CTNND2: variants seen among roughly 807,000 people sequenced by gnomAD.
CTNND2 encodes the protein catenin delta-2.
CTNND2 carries 22 observed loss-of-function variants against 144.4 expected under a neutral mutation model. The observed-to-expected ratio is 0.15, with a 90% CI of 0.11 to 0.22. The LOEUF (loss-of-function observed/expected upper bound fraction) is 0.22, where lower values mean the gene tolerates loss of function less well. Ranked by LOEUF, CTNND2 falls within the 10% of genes least tolerant of loss-of-function variation. The pLI is 1.00. For synonymous variants in CTNND2, 751 were observed against 695.6 expected (o/e 1.08, Z -1.25); for missense variants, 1,353 against 1,618.8 (o/e 0.84, Z 2.82).
chr5:11,349,983 A>G (rs1487743601), intron 8 of CTNND2, among the ~76,000 whole-genome samples: 4 of 152,160 alleles, frequency 2.6e-5, no homozygotes, highest in African/African-American at 4.8e-5. Flanking sequence ...TAAAGACACA[A>G]AACATTAGTC....
At chr5:11,123,165 G>A (rs1361501730) in intron 12 of CTNND2, among the ~76,000 whole-genome samples, 1 of 152,164 alleles carries the variant, frequency 6.6e-6, no homozygotes, top group Non-Finnish European at 1.5e-5. Flanking sequence ...CCAGGCACAA[G>A]CTTCTCTTAG....
rs1237849413 is a variant in CTNND2 at position 11,801,268 on chromosome 5, T to C, written c.38-68996A>G. On this transcript the variant is annotated intron_variant, in intron 1 of 21. Coordinates refer to ENST00000304623, the MANE Select transcript of CTNND2 (RefSeq NM_001332.4). ...ATTTTCTGAGCCAACACAGAACAAA[T>C]GTAATAATGAGCAAACTCTTACTCA... 2.0e-5 allele frequency among the ~76,000 whole-genome samples: 3 copies of C among 152,148 alleles called. No homozygotes were observed. The East Asian group carries it at 5.8e-4, about 29-fold the overall frequency.
rs554341424 is a variant in CTNND2, at chr5:11,096,069, C to G, written c.2637+2506G>C. 2.0e-5 allele frequency among the ~76,000 whole-genome samples: 3 copies of G among 152,068 alleles called. No homozygotes were observed. In the East Asian group the frequency reaches 5.8e-4, roughly 29 times the overall value. ...TTTTTCTTTGTGTTTCATTTTGGAT[C>G]ATTCCTATTGCTGTCTTCAAGTTCA... On this transcript the variant is annotated intron_variant, in intron 15 of 21. Coordinates refer to ENST00000304623, the MANE Select transcript of CTNND2 (RefSeq NM_001332.4).
chr5:11,637,611 G>A (rs1018494855), intron 2 of CTNND2, among the ~76,000 whole-genome samples: 20 of 152,002 alleles, frequency 1.3e-4, no homozygotes, highest in Admixed American at 8.5e-4. Flanking sequence ...CTGCAGTATC[G>A]ATTCCTAACT....
At chr5:11,605,545 G>C (rs1174659833) in intron 2 of CTNND2, among the ~76,000 whole-genome samples, 2 of 152,186 alleles carry the variant, frequency 1.3e-5, no homozygotes, top group African/African-American at 4.8e-5. Flanking sequence ...AGGTATCTAA[G>C]TGACATGATC....
chr5:11,751,315 A>T (rs1211465624), intron 1 of CTNND2, among the ~76,000 whole-genome samples: 1 of 151,790 alleles, frequency 6.6e-6, no homozygotes, highest in East Asian at 1.9e-4. Flanking sequence ...GGTCTGGTGT[A>T]CAGATTATTT....
At chr5:11,851,856 C>T (rs1020053805) in intron 1 of CTNND2, among the ~76,000 whole-genome samples, 1 of 152,178 alleles carries the variant, frequency 6.6e-6, no homozygotes, top group Non-Finnish European at 1.5e-5. Context: ...ATATTTTAAT[C>T]AGCAGTTAGG....
intron 2 of CTNND2, among the ~76,000 whole-genome samples, chr5:11,722,339 A>G (rs968409499): frequency 1.3e-5 from 2 of 152,204 alleles, no homozygotes; most frequent in African/African-American, 4.8e-5. Context: ...AACTGAAGAG[A>G]AGACTGAAAT....
At chr5:11,776,025 C>G (rs34629815) in intron 1 of CTNND2, among the ~76,000 whole-genome samples, 1 of 152,080 alleles carries the variant, frequency 6.6e-6, no homozygotes, top group Non-Finnish European at 1.5e-5. Context: ...GAAGAGGCCA[C>G]GAAGGATTCT....
chr5:11,748,364 G>T (rs1224903722), intron 1 of CTNND2, among the ~76,000 whole-genome samples: 2 of 151,964 alleles, frequency 1.3e-5, no homozygotes, highest in African/African-American at 4.8e-5. Flanking sequence ...TATTTAAAAG[G>T]TATTACTGTA....
chr5:11,080,519 A>G (rs1268094645), intron 16 of CTNND2, among the ~76,000 whole-genome samples: 1 of 152,228 alleles, frequency 6.6e-6, no homozygotes, highest in East Asian at 1.9e-4. Context: ...AACCATTTAT[A>G]ACTCTCATGT....
chr5:11,047,559 G>A (rs1745394734), intron 16 of CTNND2, among the ~76,000 whole-genome samples: 1 of 152,180 alleles, frequency 6.6e-6, no homozygotes, highest in South Asian at 2.1e-4. Flanking sequence ...GCATACATAT[G>A]TGCCGTGACT....
At chr5:11,060,483 G>T (rs137967540) in intron 16 of CTNND2, among the ~76,000 whole-genome samples, 161 of 152,218 alleles carry the variant, frequency 1.1e-3, no homozygotes, top group African/African-American at 2.7e-3. Context: ...TAAGCCTAAA[G>T]AAATAAAAGT....
Position 11,364,788 on chromosome 5 carries a change from C to A in CTNND2, c.1280G>T (p.Arg427Leu). The change falls in exon 8 of 22, where the codon CGC (arginine) becomes CTC (leucine). Residue 427 changes from arginine to leucine, a missense_variant. By Grantham distance (102) the Arg-to-Leu change is moderately radical (BLOSUM62 -2). Coordinates refer to ENST00000304623, the MANE Select transcript of CTNND2 (RefSeq NM_001332.4). ...EHHIDPIYED[R>L]VYQKPPMRSL... is the part of the protein sequence containing the mutation. ...CCTCATAGGGGGCTTCTGATAGACGCGGTCTTCATAGATGGGATCTATGTG... is the reference window on the plus strand; with the variant it reads ...CCTCATAGGGGGCTTCTGATAGACGAGGTCTTCATAGATGGGATCTATGTG... 6.2e-7 allele frequency: 1 copy of A among 1,613,804 alleles called. No homozygotes were observed. The highest frequency in any genetic ancestry group is 1.7e-4 in the Middle Eastern group (1 of 6,058).
intron 11 of CTNND2, among the ~76,000 whole-genome samples, chr5:11,170,946 C>G (rs908583434): frequency 1.3e-5 from 2 of 152,110 alleles, no homozygotes; most frequent in African/African-American, 4.8e-5. Context: ...TTTATAAAAC[C>G]ATCAGCTCTT....
rs372739991 is a variant in CTNND2 at position 11,835,439 on chromosome 5, CCTTT to C, written c.37+68374_37+68377del. Among the ~76,000 whole-genome samples the C allele has an allele frequency of 5.1e-3, 775 of 152,156 alleles. 8 individuals carry two copies. The highest frequency in any genetic ancestry group is 0.017 in the African/African-American group (694 of 41,536). On this transcript the variant is annotated intron_variant, in intron 1 of 21. Coordinates refer to ENST00000304623, the MANE Select transcript of CTNND2 (RefSeq NM_001332.4). ...TCACTTCACCGGGAAACCATCTAGG[CCTTT>C]CTTTCTTTTTTTCTTTTCTGGAAGG... is the stretch of plus-strand genomic sequence containing the variant.
chr5:11,441,296 C>G (rs1459052093), intron 3 of CTNND2, among the ~76,000 whole-genome samples: 1 of 150,812 alleles, frequency 6.6e-6, no homozygotes, highest in Admixed American at 6.6e-5. Flanking sequence ...AACTGCTCAT[C>G]AGGCCATTTT....
At position 10,973,617 on chromosome 5, in the gene CTNND2, A is replaced by C; in HGVS notation, c.3514T>G (p.Phe1172Val). Residue 1172 changes from phenylalanine (F) to valine (V), a missense_variant, in exon 22 of 22, where the codon TTC becomes GTC. Phe to Val is a conservative substitution (Grantham distance 50). Coordinates refer to ENST00000304623, the MANE Select transcript of CTNND2 (RefSeq NM_001332.4). The surrounding 1 kb of genome is among the most constrained non-coding windows in gnomAD (Gnocchi z 5.6). ...NSTRNYDESF[F>V]EDQVHHRPPA... ...GGGCGATGGTGGACCTGGTCCTCGA[A>C]GAAGGACTCATCGTAATTTCTTGTG... 6.2e-7 allele frequency: 1 copy of C among 1,614,184 alleles called. No homozygotes were observed.
intron 16 of CTNND2, among the ~76,000 whole-genome samples, chr5:11,036,401 G>A (rs1319745554): frequency 6.6e-6 from 1 of 151,780 alleles, no homozygotes; most frequent in East Asian, 1.9e-4. Flanking sequence ...CCACAAATCT[G>A]CACCCCCACA....
Sources: gnomAD v4.1 joint callset for allele counts (sites outside exome capture counted in the v4.1 genomes callset) on GRCh38, gnomAD v4.1.1 for gene constraint, Gnocchi (gnomAD v3.1) non-coding constraint, MANE v1.5 for transcripts, NCBI Gene and HGNC (gene_info 2026-07-23, HGNC 2026-07-21) for gene names.